The following ABCA13 variants were observed in gnomAD, a reference collection of about 807,000 sequenced individuals.
ABCA13 encodes the protein ATP binding cassette subfamily A member 13.
Under a neutral mutation model 478.7 loss-of-function variants are expected in ABCA13, and 476 were observed. The ratio of observed to expected loss-of-function variants is 0.99; its 90% CI spans 0.92 to 1.07. ABCA13 has a LOEUF of 1.07. ABCA13 is among the 50% of genes least tolerant of loss of function. The pLI, the probability that ABCA13 is intolerant of heterozygous loss-of-function variation, is 0.00. For synonymous variants in ABCA13, 2,252 were observed against 2,158.9 expected (o/e 1.04, Z -1.20); for missense variants, 6,060 against 5,910.6 (o/e 1.03, Z -0.83).
At chr7:48,200,415 T>A (rs1798511667) in intron 3 of ABCA13, among the ~76,000 whole-genome samples, 1 of 152,160 alleles carries the variant, frequency 6.6e-6, no homozygotes, top group African/African-American at 2.4e-5. Flanking sequence ...ATAATCTACC[T>A]TTGTTTTCTT....
At position 48,273,950 on chromosome 7, in the gene ABCA13, AAAC is replaced by A; in HGVS notation, c.4287_4289del (p.Asn1429del). 1 of 1,611,494 alleles carries A rather than the reference AAAC, an allele frequency of 6.2e-7. No individual in the cohort carries two copies. Among genetic ancestry groups the A allele is most frequent in the South Asian group, 1.1e-5 (1 of 90,788 alleles). ...TTTTGGGGAATTTCAGAGATATAGA[AAAC>A]AAAATGAACTCTATATTAAAAATTG... is the stretch of plus-strand genomic sequence containing the variant. On this transcript the variant is annotated inframe_deletion, in exon 17 of 62. Coordinates refer to ENST00000435803, the MANE Select transcript of ABCA13 (RefSeq NM_152701.5).
At position 48,274,406 on chromosome 7, in the gene ABCA13, A is replaced by G; in HGVS notation, c.4740A>G (p.Ile1580Met). The G allele has an allele frequency of 6.2e-7, 1 of 1,612,770 alleles. No homozygotes were observed. Among genetic ancestry groups the G allele is most frequent in the Non-Finnish European group, 8.5e-7 (1 of 1,179,516 alleles). The change falls in exon 17 of 62, where the codon ATA becomes ATG. Residue 1580 changes from isoleucine (I) to methionine (M), a missense_variant. By Grantham distance (10) the Ile-to-Met change is conservative. This residue lies in a region of ABCA13 where 4,423 missense variants were observed against 4,309.1 expected (regional missense o/e 1.03). Coordinates refer to ENST00000435803, the MANE Select transcript of ABCA13 (RefSeq NM_152701.5). ...CTAAAACTGAAAACTTGTTAAACAT[A>G]TTTGCCACCAGTCCAAAAGAAAAGG... ...SSSKTENLLN[I>M]FATSPKEKDV...
At chr7:48,347,433 A>G (rs1039569316) in intron 29 of ABCA13, among the ~76,000 whole-genome samples, 8 of 152,208 alleles carry the variant, frequency 5.3e-5, no homozygotes, top group Admixed American at 6.5e-5. Context: ...GAGAAGTGCA[A>G]TGCAACAAGG....
intron 59 of ABCA13, among the ~76,000 whole-genome samples, chr7:48,631,851 G>A (rs1363743352): frequency 1.3e-5 from 2 of 151,998 alleles, no homozygotes; most frequent in Non-Finnish European, 2.9e-5. Flanking sequence ...TCTTTCATTA[G>A]CATTTGTAAT....
chr7:48,241,194 A>G lies in ABCA13; in HGVS notation c.1262+128A>G, dbSNP rs1036388992. On this transcript the variant is annotated intron_variant, in intron 10 of 61. Coordinates refer to ENST00000435803, the MANE Select transcript of ABCA13 (RefSeq NM_152701.5). ...TAAATAATGAATTTCTTGTTAGCAA[A>G]TGGGAAATCAGAGGCTTTCATTGTG... 4.2e-6 allele frequency: 5 copies of G among 1,176,622 alleles called. No homozygotes were observed. The African/African-American group carries it at 7.6e-5, about 18-fold the overall frequency. The allele number at this position is 1,176,622 out of a possible 1,614,324, so 72.9% of individuals were successfully genotyped here. A position where few individuals can be genotyped will look rare whatever the true frequency, so the allele number is the denominator to read the frequency against.
chr7:48,471,603 G>T lies in ABCA13; in HGVS notation c.12975+4G>T. 3.9e-6 allele frequency: 6 copies of T among 1,557,960 alleles called. No homozygotes were observed. The highest frequency in any genetic ancestry group is 5.2e-6 in the Non-Finnish European group (6 of 1,149,514). On this transcript the variant is annotated splice_donor_region_variant and intron_variant, in intron 45 of 61. Coordinates refer to ENST00000435803, the MANE Select transcript of ABCA13 (RefSeq NM_152701.5). ...CCAGGATTCATGTGGCTGCCTGGTA[G>T]GTTTCTGCAGCATTTTTGATCTTTT...
chr7:48,470,722 C>T (rs1827395775), intron 44 of ABCA13, among the ~76,000 whole-genome samples: 1 of 152,216 alleles, frequency 6.6e-6, no homozygotes, highest in Non-Finnish European at 1.5e-5. Context: ...CTGGCTTTCT[C>T]ATTGGAGCAG....
intron 59 of ABCA13, among the ~76,000 whole-genome samples, chr7:48,630,166 TA>T (rs1228263476): frequency 1.3e-5 from 2 of 152,110 alleles, no homozygotes; most frequent in Non-Finnish European, 2.9e-5. Context: ...TATTAATTTT[TA>T]AAAAATTTTA....
At chr7:48,264,978 G>A (rs185369517) in intron 15 of ABCA13, among the ~76,000 whole-genome samples, 1 of 151,726 alleles carries the variant, frequency 6.6e-6, no homozygotes, top group East Asian at 1.9e-4. Flanking sequence ...GGCATATACT[G>A]AAGTTTATTA....
chr7:48,307,800 T>G (rs1433468006), intron 23 of ABCA13, among the ~76,000 whole-genome samples: 2 of 151,956 alleles, frequency 1.3e-5, no homozygotes, highest in Non-Finnish European at 2.9e-5. Flanking sequence ...CCTGCCTCAG[T>G]CTCCCAAGCA....
At chr7:48,248,489 A>C (rs1386292832) in intron 14 of ABCA13, 45 bp downstream of exon 14, 1 of 1,452,066 alleles carries the variant, frequency 6.9e-7, no homozygotes, top group Admixed American at 2.2e-5. Flanking sequence ...TTGGGACATC[A>C]GAATGATTTC....
chr7:48,480,955 C>T, intron 45 of ABCA13, 81 bp from the exon 46 acceptor site: 1 of 842,604 alleles, frequency 1.2e-6, no homozygotes, highest in Non-Finnish European at 2.0e-6. Flanking sequence ...AGAACAATCA[C>T]ATGTAGTTTC....
intron 43 of ABCA13, among the ~76,000 whole-genome samples, chr7:48,463,115 T>C (rs1293711242): frequency 4.6e-5 from 7 of 151,444 alleles, no homozygotes; most frequent in Admixed American, 3.3e-4. Context: ...TCTCTGTTTT[T>C]TTGTTTTGTT....
chr7:48,309,857 C>T lies in ABCA13; in HGVS notation c.9322-90C>T, dbSNP rs905479038. 25 of 1,453,278 alleles carry T rather than the reference C, an allele frequency of 1.7e-5. 1 individual carries two copies. The highest frequency in any genetic ancestry group is 2.0e-4 in the Middle Eastern group (1 of 5,046). 90.0% of individuals were successfully genotyped at this position (1,453,278 alleles called of 1,614,324 possible). On this transcript the variant is annotated intron_variant, in intron 23 of 61. Coordinates refer to ENST00000435803, the MANE Select transcript of ABCA13 (RefSeq NM_152701.5). ...GGGAGTTGGGAAATCCACTCTTGGG[C>T]GACTCCCTGCCGATGAAGCTCCGGT...
intron 54 of ABCA13, among the ~76,000 whole-genome samples, chr7:48,525,674 T>C (rs1832843245): frequency 8.9e-6 from 1 of 112,304 alleles, no homozygotes; most frequent in East Asian, 2.1e-4. Flanking sequence ...GATGCGCTTT[T>C]TTTTTTTTTT....
At chr7:48,490,099 A>G (rs1323822817) in intron 48 of ABCA13, among the ~76,000 whole-genome samples, 3 of 152,148 alleles carry the variant, frequency 2.0e-5, no homozygotes, top group Admixed American at 6.6e-5. Flanking sequence ...TTATTTTTCC[A>G]TATTTATTTT....
chr7:48,242,857 C>T (rs1204253476), intron 10 of ABCA13: 3 of 152,238 alleles, frequency 2.0e-5, no homozygotes, highest in Non-Finnish European at 4.4e-5. Context: ...ACCTTGTCTT[C>T]ATAGCCAATT....
intron 20 of ABCA13, among the ~76,000 whole-genome samples, chr7:48,292,231 C>A (rs376498378): frequency 1.3e-5 from 2 of 152,138 alleles, no homozygotes; most frequent in Admixed American, 1.3e-4. Context: ...TTTTTCCCAC[C>A]CCTGGTGTTC....
chr7:48,355,524 C>A (rs1310667956), intron 31 of ABCA13, among the ~76,000 whole-genome samples: 2 of 151,972 alleles, frequency 1.3e-5, no homozygotes, highest in Non-Finnish European at 2.9e-5. Flanking sequence ...CTGACTTATA[C>A]TGTAAAAGTC....
Sources: allele counts gnomAD v4.1 joint callset (sites outside exome capture counted in the v4.1 genomes callset), GRCh38; gene constraint gnomAD v4.1.1; regional missense constraint gnomAD v4.1.1; transcripts MANE v1.5; gene names NCBI Gene and HGNC (gene_info 2026-07-23, HGNC 2026-07-21).